Variants in PLD5 observed in about 807,000 individuals in gnomAD.
PLD5 encodes the protein inactive phospholipase D5.
In PLD5, 36 loss-of-function variants were observed where a neutral mutation model predicts 61.1. That is an observed-to-expected ratio of 0.59 (90% CI 0.45 to 0.78). PLD5 has a LOEUF of 0.78. Ranked by LOEUF, PLD5 falls within the 30% of genes least tolerant of loss-of-function variation. The probability of loss-of-function intolerance (pLI) is 0.00; values close to 1 mark genes in which losing one functional copy is unlikely to be tolerated. For synonymous variants in PLD5, 243 were observed against 242.8 expected (o/e 1.00, Z -0.01); for missense variants, 515 against 644.4 (o/e 0.80, Z 2.17).
chr1:242,241,213 G>A (rs1262121809), intron 4 of PLD5, among the ~76,000 whole-genome samples: 3 of 152,130 alleles, frequency 2.0e-5, no homozygotes, highest in Non-Finnish European at 2.9e-5. Flanking sequence ...GTACTGATAT[G>A]ATGTCAGGAA....
At chr1:242,255,316 A>G (rs985783611) in intron 4 of PLD5, among the ~76,000 whole-genome samples, 2 of 152,224 alleles carry the variant, frequency 1.3e-5, no homozygotes, top group East Asian at 1.9e-4. Context: ...TAGCACACAC[A>G]GGCATACATA....
intron 7 of PLD5, among the ~76,000 whole-genome samples, chr1:242,112,960 G>T (rs1021679364): frequency 1.8e-4 from 28 of 152,110 alleles, no homozygotes; most frequent in Non-Finnish European, 3.2e-4. Context: ...AATTTATTCC[G>T]TGTTTGCATG....
At chr1:242,175,372 A>C (rs1368835983) in intron 5 of PLD5, among the ~76,000 whole-genome samples, 1 of 152,244 alleles carries the variant, frequency 6.6e-6, no homozygotes, top group Admixed American at 6.5e-5. Flanking sequence ...CAATAGATGC[A>C]GAAAAGGCCT....
Position 242,089,857 on chromosome 1 carries a change from T to C in PLD5, c.1608A>G (p.Val536=), listed in dbSNP as rs1659680708. Residue 536 remains valine (V), a synonymous_variant, in exon 10 of 10, where the codon GTA becomes GTG. Transcript: ENST00000536534. ...DDTGGKDPRN[V] The stretch of plus-strand genomic sequence containing the variant: ...TCCTGTCAGTTTCTTCATCATGTTA[T>C]ACGTTCCGGGGATCCTTTCCGCCTG... The C allele has an allele frequency of 3.7e-6, 6 of 1,614,230 alleles. No homozygotes were observed. Among genetic ancestry groups the C allele is most frequent in the Non-Finnish European group, 4.2e-6 (5 of 1,180,040 alleles).
intron 1 of PLD5, among the ~76,000 whole-genome samples, chr1:242,393,652 GTA>G (rs756444185): frequency 1.3e-5 from 1 of 74,272 alleles, no homozygotes; most frequent in Non-Finnish European, 2.5e-5. Flanking sequence ...ATATATATGA[GTA>G]TATATGTGTA....
chr1:242,445,988 A>G (rs770293171), intron 1 of PLD5, among the ~76,000 whole-genome samples: 62 of 151,848 alleles, frequency 4.1e-4, no homozygotes, highest in Admixed American at 7.9e-4. Flanking sequence ...ATGGTCTCCT[A>G]ATTAAACATT....
intron 4 of PLD5, among the ~76,000 whole-genome samples, chr1:242,247,180 C>A (rs1252174901): frequency 2.0e-5 from 3 of 152,102 alleles, no homozygotes; most frequent in Non-Finnish European, 4.4e-5. Context: ...GACGGGGTTT[C>A]ACTGTGTTAG....
At chr1:242,269,810 G>A (rs1673945973) in intron 3 of PLD5, among the ~76,000 whole-genome samples, 2 of 151,936 alleles carry the variant, frequency 1.3e-5, no homozygotes, top group South Asian at 4.2e-4. Flanking sequence ...TCTCTTCCTG[G>A]TACGGAGCCA....
At chr1:242,491,094 T>A (rs1189643698) in intron 1 of PLD5, among the ~76,000 whole-genome samples, 3 of 152,234 alleles carry the variant, frequency 2.0e-5, no homozygotes, top group African/African-American at 7.2e-5. Flanking sequence ...ATATTTCTAA[T>A]TCCCACTGCT....
At chr1:242,137,578 G>C (rs1301610403) in intron 5 of PLD5, among the ~76,000 whole-genome samples, 1 of 152,124 alleles carries the variant, frequency 6.6e-6, no homozygotes, top group Non-Finnish European at 1.5e-5. Context: ...AATCTTGTAG[G>C]GGGAAATGTG....
intron 5 of PLD5, among the ~76,000 whole-genome samples, chr1:242,210,145 AG>A (rs1669710409): frequency 6.6e-6 from 1 of 152,232 alleles, no homozygotes; most frequent in African/African-American, 2.4e-5. Context: ...TCAGTGAGAA[AG>A]GCATGTAGAA....
At chr1:242,226,272 T>C (rs1269279622) in intron 4 of PLD5, among the ~76,000 whole-genome samples, 1 of 152,188 alleles carries the variant, frequency 6.6e-6, no homozygotes, top group Non-Finnish European at 1.5e-5. Context: ...GATCTCCGGA[T>C]GTCAACCGAG....
At chr1:242,370,625 GAAT>G in intron 1 of PLD5, among the ~76,000 whole-genome samples, 1 of 152,104 alleles carries the variant, frequency 6.6e-6, no homozygotes, top group Non-Finnish European at 1.5e-5. Flanking sequence ...CTGCAGTAGA[GAAT>G]TAGGGATTCC....
At chr1:242,136,801 C>T (rs998260997) in intron 5 of PLD5, among the ~76,000 whole-genome samples, 4 of 152,152 alleles carry the variant, frequency 2.6e-5, no homozygotes, top group African/African-American at 4.8e-5. Context: ...TTAAAGGGAT[C>T]AATGTACTTG....
intron 5 of PLD5, among the ~76,000 whole-genome samples, chr1:242,179,729 C>T (rs1406128013): frequency 6.6e-6 from 1 of 152,112 alleles, no homozygotes; most frequent in Non-Finnish European, 1.5e-5. Flanking sequence ...AAGGTGAAAC[C>T]CCATCTCTAC....
intron 2 of PLD5, among the ~76,000 whole-genome samples, chr1:242,288,781 T>A (rs892762164): frequency 2.0e-5 from 3 of 152,236 alleles, no homozygotes; most frequent in African/African-American, 4.8e-5. Flanking sequence ...TAACAGAGTA[T>A]GTCTCTAATG....
intron 1 of PLD5, among the ~76,000 whole-genome samples, chr1:242,465,520 G>C (rs1667247759): frequency 6.6e-6 from 1 of 152,220 alleles, no homozygotes; most frequent in Non-Finnish European, 1.5e-5. Flanking sequence ...GGCTCTGCAT[G>C]ATCTTGTTTC....
Position 242,480,364 on chromosome 1 carries a change from T to C in PLD5, c.189+43724A>G, listed in dbSNP as rs143358302. On this transcript the variant is annotated intron_variant, in intron 1 of 9. Coordinates refer to ENST00000536534, the MANE Select transcript of PLD5 (RefSeq NM_001372062.1). ...CTCACATCACATACAAGAATTAAAA[T>C]GAATTACAGACTTCAATCGAAGAGC... is the stretch of plus-strand genomic sequence containing the variant. 1.6e-3 allele frequency among the ~76,000 whole-genome samples: 249 copies of C among 152,278 alleles called. 3 individuals carry two copies. The highest frequency in any genetic ancestry group is 5.6e-3 in the African/African-American group (234 of 41,552).
intron 1 of PLD5, among the ~76,000 whole-genome samples, chr1:242,394,151 T>C (rs1663186573): frequency 1.6e-5 from 2 of 122,696 alleles, no homozygotes; most frequent in Non-Finnish European, 1.7e-5. Context: ...TATATATGTG[T>C]ATATATATGA....
Sources: allele counts gnomAD v4.1 joint callset (sites outside exome capture counted in the v4.1 genomes callset), GRCh38; gene constraint gnomAD v4.1.1; transcripts MANE v1.5; gene names NCBI Gene and HGNC (gene_info 2026-07-23, HGNC 2026-07-21).